Variants in CHRNA7 observed in about 807,000 individuals in gnomAD.
CHRNA7 encodes cholinergic receptor nicotinic alpha 7 subunit, also known as neuronal acetylcholine receptor subunit alpha-7.
A neutral mutation model predicts 48.0 loss-of-function variants in CHRNA7; 17 were observed. The ratio of observed to expected loss-of-function variants is 0.35; its 90% CI spans 0.24 to 0.53. The LOEUF is 0.53. Ranked by LOEUF, CHRNA7 falls within the 20% of genes least tolerant of loss-of-function variation. CHRNA7 has a pLI of 0.92. For synonymous variants in CHRNA7, 75 were observed against 242.3 expected, an observed-to-expected ratio of 0.31 and a Z score of 6.41; for missense variants, 155 against 577.7, an observed-to-expected ratio of 0.27 and a Z score of 7.50.
At chr15:32,108,872 G>T (rs1161924153) in intron 3 of CHRNA7, among the ~76,000 whole-genome samples, 1 of 152,314 alleles carries the variant, frequency 6.6e-6, no homozygotes, top group East Asian at 1.9e-4. Context: ...GGAAACTGCA[G>T]TTCAGAGACA....
chr15:32,108,450 G>T (rs933023069), intron 3 of CHRNA7, among the ~76,000 whole-genome samples: 1 of 152,230 alleles, frequency 6.6e-6, no homozygotes, highest in Non-Finnish European at 1.5e-5. Flanking sequence ...GATTTTGTCT[G>T]ATGCCCCCTG....
chr15:32,043,125 G>T (rs1280198133), intron 2 of CHRNA7, among the ~76,000 whole-genome samples: 1 of 152,176 alleles, frequency 6.6e-6, no homozygotes, highest in East Asian at 1.9e-4. Context: ...TGATTTTAAA[G>T]TGGTACACTT....
At chr15:32,036,001 A>G (rs1902065434) in intron 2 of CHRNA7, among the ~76,000 whole-genome samples, 1 of 152,192 alleles carries the variant, frequency 6.6e-6, no homozygotes, top group Non-Finnish European at 1.5e-5. Context: ...GGGCAAATGT[A>G]TAATGGCATA....
rs566923414 is a variant in CHRNA7 at position 32,153,554 on chromosome 15, C to G, written c.351-353C>G. On this transcript the variant is annotated intron_variant, in intron 4 of 9. Transcript: ENST00000306901. ...TGAGGCTCACAGGGTGGCAGCGTGC[C>G]TCACCCACCCTCTGTTCTTCTAGAC... 5.7e-4 allele frequency: 194 copies of G among 338,622 alleles called. 2 individuals are homozygous for G. Among genetic ancestry groups the G allele is most frequent in the African/African-American group, 4.1e-3 (182 of 44,816 alleles). 21.0% of individuals were successfully genotyped at this position (338,622 alleles called of 1,614,324 possible). A position where few individuals can be genotyped will look rare whatever the true frequency, so the allele number is the denominator to read the frequency against.
At chr15:32,055,954 G>C (rs1013818168) in intron 2 of CHRNA7, among the ~76,000 whole-genome samples, 1 of 151,978 alleles carries the variant, frequency 6.6e-6, no homozygotes, top group African/African-American at 2.4e-5. Flanking sequence ...ACTCCAGCCT[G>C]GGTGACAGAG....
chr15:32,105,305 G>C (rs2050645000), intron 3 of CHRNA7, among the ~76,000 whole-genome samples: 1 of 152,178 alleles, frequency 6.6e-6, no homozygotes, highest in African/African-American at 2.4e-5. Flanking sequence ...TGATCAGGCT[G>C]TGTAATTAAC....
chr15:32,077,132 C>T (rs1315071192), intron 2 of CHRNA7, among the ~76,000 whole-genome samples: 1 of 145,152 alleles, frequency 6.9e-6, no homozygotes, highest in Non-Finnish European at 1.5e-5. Flanking sequence ...CTTGATAGCT[C>T]TTTTTTTTTT....
chr15:32,102,237 C>A (rs1023167673), intron 3 of CHRNA7: 1 of 152,142 alleles, frequency 6.6e-6, no homozygotes, highest in Non-Finnish European at 1.5e-5. Flanking sequence ...CTCCGCCTTC[C>A]AGGTTCAAGT....
At chr15:32,042,783 A>G (rs1329069332) in intron 2 of CHRNA7, among the ~76,000 whole-genome samples, 1 of 152,172 alleles carries the variant, frequency 6.6e-6, no homozygotes, top group East Asian at 1.9e-4. Flanking sequence ...TTGTTTTTCT[A>G]GTGTGTTCAC....
chr15:32,147,904 G>A (rs899844671), intron 4 of CHRNA7, among the ~76,000 whole-genome samples: 5 of 152,182 alleles, frequency 3.3e-5, no homozygotes, highest in African/African-American at 1.2e-4. Context: ...CATTGCTTCC[G>A]TCAGTGGTGT....
rs139877546 is a variant in CHRNA7 at position 32,074,901 on chromosome 15, G to T, written c.196-26402G>T. Among the ~76,000 whole-genome samples the T allele has an allele frequency of 3.6e-3, 541 of 152,024 alleles. 3 individuals are homozygous for T. Among genetic ancestry groups the T allele is most frequent in the African/African-American group, 0.012 (507 of 41,478 alleles). On this transcript the variant is annotated intron_variant, in intron 2 of 9. Transcript: ENST00000306901. Reference sequence around the variant, plus strand: ...TGACCTCAGGTGATCCACCCACCTCGGCCTCCCAAAGTGCTAGGATTACAG... The same window carrying T: ...TGACCTCAGGTGATCCACCCACCTCTGCCTCCCAAAGTGCTAGGATTACAG...
intron 2 of CHRNA7, among the ~76,000 whole-genome samples, chr15:32,091,465 G>A (rs891653951): frequency 6.6e-6 from 1 of 152,140 alleles, no homozygotes; most frequent in African/African-American, 2.4e-5. Context: ...GACTTGCAAA[G>A]TTCCTAGGCT....
intron 4 of CHRNA7, among the ~76,000 whole-genome samples, chr15:32,148,390 T>G (rs751115172): frequency 8.5e-5 from 13 of 152,140 alleles, no homozygotes; most frequent in Non-Finnish European, 1.5e-4. Context: ...ACAATCACTC[T>G]CTTCTTTTCT....
rs867929185 is a variant in CHRNA7, at chr15:32,060,921, G to A, written c.195+29884G>A. Among the ~76,000 whole-genome samples, 216 of 152,314 alleles carry A rather than the reference G, an allele frequency of 1.4e-3. 1 individual carries two copies. The highest frequency in any genetic ancestry group is 5.0e-3 in the African/African-American group (208 of 41,562). On this transcript the variant is annotated intron_variant, in intron 2 of 9. Coordinates refer to ENST00000306901, the MANE Select transcript of CHRNA7 (RefSeq NM_000746.6). Reference sequence around the variant, plus strand: ...AGAGTCCGAGAGGAGGACAGAGCACGTAGCCACAGGATGAGCACACCCACC... The same window carrying A: ...AGAGTCCGAGAGGAGGACAGAGCACATAGCCACAGGATGAGCACACCCACC...
intron 4 of CHRNA7, among the ~76,000 whole-genome samples, chr15:32,127,280 G>A (rs1361493597): frequency 1.3e-5 from 2 of 152,098 alleles, no homozygotes; most frequent in South Asian, 2.1e-4. Flanking sequence ...TAACATCCAT[G>A]TCCATGTTTG....
At chr15:32,150,260 G>C (rs774951749) in intron 4 of CHRNA7, among the ~76,000 whole-genome samples, 2 of 152,022 alleles carry the variant, frequency 1.3e-5, no homozygotes, top group Non-Finnish European at 2.9e-5. Context: ...GTCTTGCTTT[G>C]TTGCCCAGTC....
intron 2 of CHRNA7, among the ~76,000 whole-genome samples, chr15:32,080,280 A>G (rs1195828823): frequency 6.6e-6 from 1 of 152,224 alleles, no homozygotes; most frequent in African/African-American, 2.4e-5. Flanking sequence ...CAATTGCAAC[A>G]AAAACAAAAA....
chr15:32,132,885 A>G (rs1357952481), intron 4 of CHRNA7, among the ~76,000 whole-genome samples: 1 of 152,086 alleles, frequency 6.6e-6, no homozygotes, highest in East Asian at 1.9e-4. Context: ...GTTTATTTAG[A>G]CTTTATATTT....
chr15:32,120,134 C>G (rs973404267), intron 4 of CHRNA7, among the ~76,000 whole-genome samples: 1 of 152,182 alleles, frequency 6.6e-6, no homozygotes, highest in African/African-American at 2.4e-5. Flanking sequence ...CCACAAATCT[C>G]AGGGCGGGAA....
Sources: gnomAD v4.1 joint callset for allele counts (sites outside exome capture counted in the v4.1 genomes callset) on GRCh38, gnomAD v4.1.1 for gene constraint, MANE v1.5 for transcripts, NCBI Gene and HGNC (gene_info 2026-07-23, HGNC 2026-07-21) for gene names.